Variants in GABRG3 observed in about 807,000 individuals in gnomAD.
GABRG3 encodes the protein gamma-aminobutyric acid type A receptor subunit gamma3.
Under a neutral mutation model 48.8 loss-of-function variants are expected in GABRG3, and 25 were observed. That is an observed-to-expected ratio of 0.51 (90% confidence interval 0.37 to 0.72). The LOEUF is 0.72. GABRG3 is among the 30% of genes least tolerant of loss of function. The probability of loss-of-function intolerance (pLI) is 0.00; values close to 1 mark genes in which losing one functional copy is unlikely to be tolerated. For synonymous variants in GABRG3, 227 were observed against 217.6 expected (o/e 1.04, Z -0.38); for missense variants, 394 against 577.9 (o/e 0.68, Z 3.26).
chr15:27,269,504 C>G (rs1891016993), intron 3 of GABRG3, among the ~76,000 whole-genome samples: 1 of 152,172 alleles, frequency 6.6e-6, no homozygotes, highest in Non-Finnish European at 1.5e-5. Flanking sequence ...CTAACCATCA[C>G]TTCCCCACAC....
chr15:27,423,606 C>T (rs891608510), intron 5 of GABRG3, among the ~76,000 whole-genome samples: 3 of 149,950 alleles, frequency 2.0e-5, no homozygotes, highest in Admixed American at 1.3e-4. Context: ...AGTACAGTGG[C>T]ACAATCACGA....
intron 5 of GABRG3, among the ~76,000 whole-genome samples, chr15:27,372,851 C>G (rs1406508602): frequency 6.6e-6 from 1 of 152,168 alleles, no homozygotes; most frequent in African/African-American, 2.4e-5. Flanking sequence ...GAACACTGTA[C>G]CTTGAGTGGT....
chr15:27,463,997 G>T (rs1394408130), intron 5 of GABRG3, among the ~76,000 whole-genome samples: 1 of 152,134 alleles, frequency 6.6e-6, no homozygotes, highest in Non-Finnish European at 1.5e-5. Flanking sequence ...ACGAGCTGGT[G>T]TCACCCATGC....
chr15:27,405,858 G>A (rs1887617411), intron 5 of GABRG3, among the ~76,000 whole-genome samples: 1 of 151,000 alleles, frequency 6.6e-6, no homozygotes, highest in Admixed American at 6.6e-5. Flanking sequence ...ACTGGGGGAG[G>A]GAATATAGGG....
intron 5 of GABRG3, chr15:27,340,616 A>G (rs1345207490): frequency 6.5e-6 from 1 of 154,278 alleles, no homozygotes; most frequent in East Asian, 1.9e-4. Context: ...AGGTCAGAAA[A>G]CCTTCATGTT....
At chr15:27,230,520 T>C (rs1277116767) in intron 3 of GABRG3, among the ~76,000 whole-genome samples, 1 of 152,224 alleles carries the variant, frequency 6.6e-6, no homozygotes, top group Non-Finnish European at 1.5e-5. Context: ...TTATAGATTT[T>C]TTTCCCTAGA....
chr15:27,340,897 A>G, intron 5 of GABRG3: 2 of 447,936 alleles, frequency 4.5e-6, no homozygotes, highest in Non-Finnish European at 4.3e-6. Flanking sequence ...TCTGTTATGT[A>G]CTTTTGTGCA....
At chr15:27,411,679 G>A (rs55875993) in intron 5 of GABRG3, among the ~76,000 whole-genome samples, 25,654 of 151,966 alleles carry the variant, frequency 0.17, 2,297 homozygotes, top group Middle Eastern at 0.26. Context: ...CTCTCTTACT[G>A]TATTCCTGTG....
At chr15:27,229,114 G>A (rs1889715254) in intron 3 of GABRG3, among the ~76,000 whole-genome samples, 1 of 152,078 alleles carries the variant, frequency 6.6e-6, no homozygotes, top group Non-Finnish European at 1.5e-5. Context: ...ATTGCTTTTG[G>A]TGTCTTTGTC....
At chr15:27,011,764 C>T (rs4887542) in intron 2 of GABRG3, among the ~76,000 whole-genome samples, 6 of 150,902 alleles carry the variant, frequency 4.0e-5, no homozygotes, top group Admixed American at 2.0e-4. Context: ...AGGAGAATGG[C>T]GTGAACCTGG....
intron 3 of GABRG3, among the ~76,000 whole-genome samples, chr15:27,134,519 A>G (rs1038680990): frequency 6.6e-6 from 1 of 152,088 alleles, no homozygotes; most frequent in Non-Finnish European, 1.5e-5. Context: ...CTGCAGTGTG[A>G]CACCCCACTG....
chr15:27,100,975 G>A (rs1372164471), intron 3 of GABRG3, among the ~76,000 whole-genome samples: 2 of 152,126 alleles, frequency 1.3e-5, no homozygotes, highest in Non-Finnish European at 2.9e-5. Context: ...CCTGCACGTG[G>A]CAAGAATAAG....
intron 3 of GABRG3, among the ~76,000 whole-genome samples, chr15:27,245,269 C>T (rs1890236903): frequency 1.3e-5 from 2 of 152,146 alleles, no homozygotes; most frequent in South Asian, 4.2e-4. Flanking sequence ...ACAACCCAGC[C>T]GTTTGGAAAC....
intron 3 of GABRG3, among the ~76,000 whole-genome samples, chr15:27,230,095 C>T (rs1349238433): frequency 5.3e-5 from 8 of 152,164 alleles, no homozygotes; most frequent in Non-Finnish European, 8.8e-5. Flanking sequence ...TAGTTCTCAT[C>T]GTAGAGATCT....
intron 3 of GABRG3, among the ~76,000 whole-genome samples, chr15:27,274,991 C>G (rs995125892): frequency 6.6e-6 from 1 of 151,936 alleles, no homozygotes; most frequent in Admixed American, 6.6e-5. Context: ...ATAGAAATGC[C>G]GAGAGTTTCT....
At chr15:27,360,456 C>T (rs547850824) in intron 5 of GABRG3, among the ~76,000 whole-genome samples, 3 of 152,332 alleles carry the variant, frequency 2.0e-5, no homozygotes, top group South Asian at 4.1e-4. Context: ...AAACACACTT[C>T]TCTGAGTGTG....
At chr15:27,067,864 C>A (rs2140730495) in intron 3 of GABRG3, among the ~76,000 whole-genome samples, 1 of 152,290 alleles carries the variant, frequency 6.6e-6, no homozygotes, top group Non-Finnish European at 1.5e-5. Context: ...GATCTAACAG[C>A]TTTATGCCTG....
rs1186087912 is a variant in GABRG3 at position 27,418,511 on chromosome 15, C to T, written c.575-62139C>T. Among the ~76,000 whole-genome samples the T allele has an allele frequency of 3.9e-5, 6 of 152,170 alleles. No homozygotes were observed. The South Asian group carries it at 1.2e-3, about 32-fold the overall frequency. On this transcript the variant is annotated intron_variant, in intron 5 of 9. Coordinates refer to ENST00000615808, the MANE Select transcript of GABRG3 (RefSeq NM_033223.5). ...CCGCAGAGACAGGCACCAGCCCTGA[C>T]TCTGAGGATGTCACTGATTCAGCTG...
chr15:27,307,139 T>A (rs1324655314), intron 3 of GABRG3, among the ~76,000 whole-genome samples: 4 of 125,198 alleles, frequency 3.2e-5, no homozygotes, highest in Non-Finnish European at 6.2e-5. Flanking sequence ...AACATGTTTA[T>A]ACATATATAA....
Sources: gnomAD v4.1 joint callset for allele counts (sites outside exome capture counted in the v4.1 genomes callset) on GRCh38, gnomAD v4.1.1 for gene constraint, MANE v1.5 for transcripts, NCBI Gene and HGNC (gene_info 2026-07-23, HGNC 2026-07-21) for gene names.